The following PRLR variants were observed in gnomAD, a reference collection of about 807,000 sequenced individuals.
PRLR encodes prolactin receptor.
Under a neutral mutation model 40.2 loss-of-function variants are expected in PRLR, and 13 were observed. That is an observed-to-expected ratio of 0.32 (90% confidence interval 0.21 to 0.51). PRLR has a LOEUF of 0.51. PRLR is among the 20% of genes least tolerant of loss of function. The pLI is 0.97. For missense variants in PRLR, 656 were observed against 747.3 expected, an observed-to-expected ratio of 0.88 and a Z score of 1.42; for synonymous variants, 269 against 278.7, an observed-to-expected ratio of 0.97 and a Z score of 0.35.
chr5:35,171,759 G>A (rs992385686), intron 1 of PRLR, among the ~76,000 whole-genome samples: 3 of 152,130 alleles, frequency 2.0e-5, no homozygotes, highest in Non-Finnish European at 4.4e-5. Flanking sequence ...CATGGAAGAC[G>A]TGAGTCTGGG....
chr5:35,129,427 G>A (rs775896266), intron 1 of PRLR, among the ~76,000 whole-genome samples: 1 of 152,130 alleles, frequency 6.6e-6, no homozygotes, highest in African/African-American at 2.4e-5. Flanking sequence ...GGCCAGATGA[G>A]TCACTGTGGA....
chr5:35,134,837 C>A (rs1192488952), intron 1 of PRLR, among the ~76,000 whole-genome samples: 1 of 152,196 alleles, frequency 6.6e-6, no homozygotes, highest in Non-Finnish European at 1.5e-5. Flanking sequence ...TGGCTCCCAT[C>A]CCTAGATGTT....
intron 2 of PRLR, 28 bp downstream of exon 2, chr5:35,118,033 G>A (rs537565219): frequency 6.2e-6 from 6 of 975,274 alleles, no homozygotes; most frequent in Non-Finnish European, 7.3e-6. Flanking sequence ...TGGTGTGACC[G>A]AGGGGCATGA....
intron 1 of PRLR, among the ~76,000 whole-genome samples, chr5:35,132,232 G>T (rs977214978): frequency 1.3e-5 from 2 of 152,046 alleles, no homozygotes; most frequent in African/African-American, 4.8e-5. Context: ...AGGTCTTTAG[G>T]AAAAGCATTT....
chr5:35,165,632 T>C (rs1428284002), intron 1 of PRLR, among the ~76,000 whole-genome samples: 4 of 152,220 alleles, frequency 2.6e-5, no homozygotes, highest in African/African-American at 4.8e-5. Context: ...CTTTGGAATC[T>C]AGTGATTCGG....
intron 1 of PRLR, among the ~76,000 whole-genome samples, chr5:35,143,036 CAG>C (rs758347456): frequency 6.6e-6 from 1 of 152,214 alleles, no homozygotes; most frequent in African/African-American, 2.4e-5. Context: ...TATATTTTAA[CAG>C]AGTTTCTATA....
intron 2 of PRLR, among the ~76,000 whole-genome samples, chr5:35,105,338 C>G (rs897597304): frequency 6.6e-6 from 1 of 152,200 alleles, no homozygotes; most frequent in Non-Finnish European, 1.5e-5. Flanking sequence ...GAATGCAGCT[C>G]CTCGCCAGCA....
intron 5 of PRLR, among the ~76,000 whole-genome samples, chr5:35,082,224 C>G (rs933716216): frequency 1.3e-5 from 2 of 152,176 alleles, no homozygotes; most frequent in East Asian, 3.8e-4. Context: ...CAAGTCTAAG[C>G]TAATATGTTA....
intron 1 of PRLR, among the ~76,000 whole-genome samples, chr5:35,202,968 A>G (rs1257167188): frequency 6.6e-6 from 1 of 152,210 alleles, no homozygotes; most frequent in Non-Finnish European, 1.5e-5. Context: ...ACAATCAAAT[A>G]GGGACGTGTT....
In PRLR at chr5:35,165,057, A is replaced by G. The variant is rs894555687; in HGVS notation, c.-105-46935T>C. On this transcript the variant is annotated intron_variant, in intron 1 of 9. Coordinates refer to ENST00000618457, the MANE Select transcript of PRLR (RefSeq NM_000949.7). The stretch of plus-strand genomic sequence containing the variant: ...TTAATGGGTGACTTATTAAAGTTTT[A>G]TAACTGCACATTTCCTGAATTAGTT... 9.2e-5 allele frequency among the ~76,000 whole-genome samples: 14 copies of G among 152,350 alleles called. No individual in the cohort carries two copies. The East Asian group carries it at 2.3e-3, about 25-fold the overall frequency.
At chr5:35,141,447 T>A (rs1452211918) in intron 1 of PRLR, among the ~76,000 whole-genome samples, 2 of 152,152 alleles carry the variant, frequency 1.3e-5, no homozygotes, top group Non-Finnish European at 2.9e-5. Flanking sequence ...ACAGACATAA[T>A]TTTGTTCAAT....
At chr5:35,072,891 C>T (rs766447669) in intron 5 of PRLR, 147 bp from the exon 6 acceptor site, 1 of 827,948 alleles carries the variant, frequency 1.2e-6, no homozygotes, top group Non-Finnish European at 1.8e-6. Context: ...GGCCTTTTGT[C>T]TTCTACCTCT....
At chr5:35,100,851 C>T (rs1028541212) in intron 2 of PRLR, among the ~76,000 whole-genome samples, 1 of 152,180 alleles carries the variant, frequency 6.6e-6, no homozygotes, top group Non-Finnish European at 1.5e-5. Context: ...AAGCTCAGTA[C>T]AGCCAACAGA....
Position 35,062,193 on chromosome 5 carries a change from G to C in PRLR, c.*2896C>G, listed in dbSNP as rs189285609. ...GAAGAGCAATTTTTTGTTAGATTAG[G>C]ATAGAAGGCATTGGTTGGGATTATC... On this transcript the variant is annotated 3_prime_UTR_variant, in exon 10 of 10. Coordinates refer to ENST00000618457, the MANE Select transcript of PRLR (RefSeq NM_000949.7). 6.6e-6 allele frequency: 1 copy of C among 152,246 alleles called. No homozygotes were observed. Among genetic ancestry groups the C allele is most frequent in the Admixed American group, 6.5e-5 (1 of 15,286 alleles). 9.4% of individuals were successfully genotyped at this position (152,246 alleles called of 1,614,324 possible). A position where few individuals can be genotyped will look rare whatever the true frequency, so the allele number is the denominator to read the frequency against.
Position 35,079,594 on chromosome 5 carries a change from G to A in PRLR, c.373+4876C>T, listed in dbSNP as rs953438454. Reference sequence around the variant, plus strand: ...AATGGAAGAACATTCCATGCTCATGGATAGGAAGAATCAGTATCATGAAAA... The same window carrying A: ...AATGGAAGAACATTCCATGCTCATGAATAGGAAGAATCAGTATCATGAAAA... On this transcript the variant is annotated intron_variant, in intron 5 of 9. Coordinates refer to ENST00000618457, the MANE Select transcript of PRLR (RefSeq NM_000949.7). 3.3e-5 allele frequency among the ~76,000 whole-genome samples: 5 copies of A among 152,184 alleles called. No homozygotes were observed. In the East Asian group the frequency reaches 9.6e-4, roughly 29 times the overall value.
intron 1 of PRLR, among the ~76,000 whole-genome samples, chr5:35,210,436 T>C (rs1776141863): frequency 6.6e-6 from 1 of 152,188 alleles, no homozygotes; most frequent in Non-Finnish European, 1.5e-5. Context: ...TGTACAAGAC[T>C]TTCAATGACA....
chr5:35,072,859 C>G, intron 5 of PRLR, 115 bp from the exon 6 acceptor site: 1 of 1,215,568 alleles, frequency 8.2e-7, no homozygotes, highest in South Asian at 1.6e-5. Context: ...TCCCACTGTA[C>G]TATAAGCCCC....
intron 5 of PRLR, among the ~76,000 whole-genome samples, chr5:35,076,371 C>A (rs963298094): frequency 6.6e-6 from 1 of 152,108 alleles, no homozygotes; most frequent in Admixed American, 6.6e-5. Flanking sequence ...AAGCTGAAAA[C>A]CATGGCACGA....
At position 35,061,392 on chromosome 5, in the gene PRLR, C is replaced by G. The variant is rs1410677840; in HGVS notation, c.*3697G>C. ...ACTGCAACTTGGAATGCAGGGACCT[C>G]TGGTTGCTCAATAACTCATAGGCTT... On this transcript the variant is annotated 3_prime_UTR_variant, in exon 10 of 10. Coordinates refer to ENST00000618457, the MANE Select transcript of PRLR (RefSeq NM_000949.7). 6.6e-6 allele frequency: 1 copy of G among 152,146 alleles called. No individual in the cohort carries two copies. Among genetic ancestry groups the G allele is most frequent in the East Asian group, 1.9e-4 (1 of 5,188 alleles). 9.4% of individuals were successfully genotyped at this position (152,146 alleles called of 1,614,324 possible).
Sources: allele counts gnomAD v4.1 joint callset (sites outside exome capture counted in the v4.1 genomes callset), GRCh38; gene constraint gnomAD v4.1.1; transcripts MANE v1.5; gene names NCBI Gene and HGNC (gene_info 2026-07-23, HGNC 2026-07-21).